RBFOX1: variants seen among roughly 807,000 people sequenced by gnomAD.
The protein encoded by RBFOX1 is RNA binding fox-1 homolog 1, also known as RNA binding protein fox-1 homolog 1.
RBFOX1 carries 8 observed loss-of-function variants against 57.7 expected under a neutral mutation model. The observed-to-expected ratio is 0.14, with a 90% CI of 0.08 to 0.25. The LOEUF is 0.25. RBFOX1 is among the 10% of genes least tolerant of loss of function. The pLI is 1.00. For synonymous variants in RBFOX1, 326 were observed against 222.4 expected (o/e 1.47, Z -4.15); for missense variants, 611 against 548.5 (o/e 1.11, Z -1.14).
rs763077469 is a variant in RBFOX1, at chr16:6,592,701, C to CGT, written c.-63-61889_-63-61888dup. Among the ~76,000 whole-genome samples the CGT allele has an allele frequency of 7.3e-4, 111 of 151,692 alleles. No homozygotes were observed. In the East Asian group the frequency reaches 8.7e-3, roughly 12 times the overall value. Reference sequence around the variant, plus strand: ...AAGCTCATAGTCCCCTGAGAAATGTCGTGTGTGTGTGTGTACCCACCTGTG... The same window carrying CGT: ...AAGCTCATAGTCCCCTGAGAAATGTCGTGTGTGTGTGTGTGTACCCACCTGTG... On this transcript the variant is annotated intron_variant, in intron 2 of 15. Transcript: ENST00000550418.
chr16:5,758,625 A>G (rs2053481008), intron 3 of RBFOX1, among the ~76,000 whole-genome samples: 1 of 152,232 alleles, frequency 6.6e-6, no homozygotes, highest in Non-Finnish European at 1.5e-5. Flanking sequence ...GTACAAAATT[A>G]AGACCTCAGA....
intron 2 of RBFOX1, among the ~76,000 whole-genome samples, chr16:6,585,203 A>C (rs1330728018): frequency 3.3e-5 from 5 of 152,316 alleles, no homozygotes; most frequent in Admixed American, 2.6e-4. Flanking sequence ...TATTTTTCCA[A>C]AACAATTCCT....
At chr16:5,377,319 A>G (rs1028739093) in intron 1 of RBFOX1, among the ~76,000 whole-genome samples, 3 of 151,440 alleles carry the variant, frequency 2.0e-5, no homozygotes, top group African/African-American at 7.4e-5. Flanking sequence ...GAATGGAACT[A>G]CTTTTCATGG....
intron 3 of RBFOX1, among the ~76,000 whole-genome samples, chr16:6,879,174 A>C (rs1458342599): frequency 6.6e-6 from 1 of 152,202 alleles, no homozygotes; most frequent in Non-Finnish European, 1.5e-5. Context: ...CAAGAATATC[A>C]GCCCTTTTAA....
intron 3 of RBFOX1, among the ~76,000 whole-genome samples, chr16:5,816,987 CT>C (rs1259167435): frequency 1.3e-5 from 2 of 150,928 alleles, no homozygotes; most frequent in Admixed American, 6.6e-5. Context: ...AATATTTCTT[CT>C]GTCAGTCTCT....
chr16:5,909,328 A>G (rs952827774), intron 4 of RBFOX1, among the ~76,000 whole-genome samples: 1 of 152,072 alleles, frequency 6.6e-6, no homozygotes, highest in Admixed American at 6.6e-5. Context: ...TCTGGACCTC[A>G]TCATCCGCAT....
chr16:6,247,729 C>T (rs917864294), intron 1 of RBFOX1, among the ~76,000 whole-genome samples: 7 of 152,174 alleles, frequency 4.6e-5, no homozygotes, highest in African/African-American at 1.7e-4. Context: ...GATTCAAACT[C>T]AGATCCTAGT....
Position 5,579,008 on chromosome 16 carries a change from C to T in RBFOX1, c.259-19894C>T, listed in dbSNP as rs148084375. Among the ~76,000 whole-genome samples, 1,219 of 152,018 alleles carry T rather than the reference C, an allele frequency of 8.0e-3. 13 individuals carry two copies. Among genetic ancestry groups the T allele is most frequent in the Non-Finnish European group, 0.011 (739 of 67,974 alleles). ...GACTACAGGCTTGTACCATCACGCC[C>T]GGCTAATTTTTGTATTTTTAGTAGA... is the stretch of plus-strand genomic sequence containing the variant. On this transcript the variant is annotated intron_variant, in intron 2 of 2. Coordinates refer to the RBFOX1 transcript ENST00000585867.
chr16:6,652,018 G>A (rs1018959694), intron 2 of RBFOX1, among the ~76,000 whole-genome samples: 1 of 152,184 alleles, frequency 6.6e-6, no homozygotes, highest in African/African-American at 2.4e-5. Flanking sequence ...GTCCTCAATT[G>A]TATAACTGTA....
At chr16:6,429,972 G>T (rs1186444126) in intron 2 of RBFOX1, among the ~76,000 whole-genome samples, 1 of 152,044 alleles carries the variant, frequency 6.6e-6, no homozygotes, top group African/African-American at 2.4e-5. Flanking sequence ...GCCAGGTATG[G>T]TGACACATGC....
chr16:6,882,105 T>C (rs377595900), intron 3 of RBFOX1, among the ~76,000 whole-genome samples: 1 of 152,144 alleles, frequency 6.6e-6, no homozygotes, highest in Admixed American at 6.5e-5. Context: ...CAGGTTAAGA[T>C]GTAAATTATT....
chr16:5,677,479 T>G (rs1456121341), intron 3 of RBFOX1, among the ~76,000 whole-genome samples: 1 of 152,038 alleles, frequency 6.6e-6, no homozygotes, highest in Non-Finnish European at 1.5e-5. Flanking sequence ...TGATTAGGAG[T>G]GAAGGATAGA....
At chr16:6,153,477 T>C (rs1275049270) in intron 1 of RBFOX1, among the ~76,000 whole-genome samples, 2 of 152,192 alleles carry the variant, frequency 1.3e-5, no homozygotes, top group Non-Finnish European at 1.5e-5. Flanking sequence ...ATGAACAGGC[T>C]ATTTTCAAGT....
intron 1 of RBFOX1, among the ~76,000 whole-genome samples, chr16:6,274,825 CAGA>C (rs1880414033): frequency 6.6e-6 from 1 of 152,112 alleles, no homozygotes; most frequent in Non-Finnish European, 1.5e-5. Flanking sequence ...AGAGAATGAG[CAGA>C]AGGAGGACAG....
At chr16:7,074,651 A>G (rs1246722140) in intron 4 of RBFOX1, among the ~76,000 whole-genome samples, 3 of 152,184 alleles carry the variant, frequency 2.0e-5, no homozygotes, top group Non-Finnish European at 4.4e-5. Flanking sequence ...ATGGGACAAA[A>G]AACCATTTTA....
intron 3 of RBFOX1, among the ~76,000 whole-genome samples, chr16:6,793,066 C>G (rs964200337): frequency 6.6e-6 from 1 of 151,608 alleles, no homozygotes; most frequent in African/African-American, 2.4e-5. Context: ...TGCTGTACAT[C>G]TGTTAGCCAC....
chr16:6,840,479 C>T (rs1022279041), intron 3 of RBFOX1, among the ~76,000 whole-genome samples: 3 of 152,094 alleles, frequency 2.0e-5, no homozygotes, highest in Admixed American at 1.3e-4. Context: ...GTTCATGTCC[C>T]CCTAAATTTG....
At chr16:6,946,543 C>G (rs775863336) in intron 3 of RBFOX1, among the ~76,000 whole-genome samples, 6 of 152,176 alleles carry the variant, frequency 3.9e-5, no homozygotes, top group Admixed American at 2.6e-4. Flanking sequence ...TAAGAACCTT[C>G]TTTCATAAAA....
chr16:6,329,496 C>A (rs1404299267), intron 2 of RBFOX1, among the ~76,000 whole-genome samples: 4 of 152,168 alleles, frequency 2.6e-5, no homozygotes, highest in African/African-American at 9.7e-5. Flanking sequence ...AACTCTGAGA[C>A]AAAAGTTCCA....
Sources: gnomAD v4.1 joint callset for allele counts (sites outside exome capture counted in the v4.1 genomes callset) on GRCh38, gnomAD v4.1.1 for gene constraint, MANE v1.5 for transcripts, NCBI Gene and HGNC (gene_info 2026-07-23, HGNC 2026-07-21) for gene names.